MGMT: variants seen among roughly 807,000 people sequenced by gnomAD.
The protein encoded by MGMT is O-6-methylguanine-DNA methyltransferase.
A neutral mutation model predicts 15.9 loss-of-function variants in MGMT; 14 were observed. The ratio of observed to expected loss-of-function variants is 0.88; its 90% CI spans 0.58 to 1.37. The LOEUF is 1.37. MGMT is among the 40% of genes most tolerant of loss of function. MGMT has a pLI of 0.00. For missense variants in MGMT, 282 were observed against 268.1 expected (o/e 1.05, Z -0.36); for synonymous variants, 130 against 118.2 (o/e 1.10, Z -0.65).
intron 2 of MGMT, among the ~76,000 whole-genome samples, chr10:129,565,306 A>T (rs867585892): frequency 4.6e-5 from 7 of 151,998 alleles, no homozygotes; most frequent in African/African-American, 1.7e-4. Context: ...AAAAAAAAAA[A>T]TAGTGAAAGA....
In MGMT at chr10:129,532,654, C is replaced by T. The variant is rs1845944537; in HGVS notation, c.-12-3587C>T. Among the ~76,000 whole-genome samples the T allele has an allele frequency of 6.6e-6, 1 of 152,098 alleles. No individual in the cohort carries two copies. Among genetic ancestry groups the T allele is most frequent in the African/African-American group, 2.4e-5 (1 of 41,424 alleles). ...CCAATGTCTTCCCCTTTGGCTGACGCTTGGATTGGGGGTGAACTCGAGGTG... is the reference window on the plus strand; with the variant it reads ...CCAATGTCTTCCCCTTTGGCTGACGTTTGGATTGGGGGTGAACTCGAGGTG... On this transcript the variant is annotated intron_variant, in intron 1 of 4. Coordinates refer to ENST00000651593, the MANE Select transcript of MGMT (RefSeq NM_002412.5). The surrounding 1 kb of genome is among the most constrained non-coding windows in gnomAD (Gnocchi z 5.3).
chr10:129,688,087 C>G (rs1419818499), intron 2 of MGMT, among the ~76,000 whole-genome samples: 1 of 152,156 alleles, frequency 6.6e-6, no homozygotes, highest in Non-Finnish European at 1.5e-5. Flanking sequence ...TTTCTTAATC[C>G]AGTCTATCAT....
chr10:129,488,012 C>CATAGGT lies in MGMT; in HGVS notation c.-13+20717_-13+20718insTAGGTA, dbSNP rs1564832157. On this transcript the variant is annotated intron_variant, in intron 1 of 4. Coordinates refer to ENST00000651593, the MANE Select transcript of MGMT (RefSeq NM_002412.5). The stretch of plus-strand genomic sequence containing the variant: ...ACACACACACATAGGTATACACACA[C>CATAGGT]ACACACACACACACACACACACACA... 3.3e-3 allele frequency among the ~76,000 whole-genome samples: 412 copies of CATAGGT among 123,724 alleles called. 13 individuals are homozygous for CATAGGT. In the East Asian group the frequency reaches 0.1, roughly 30 times the overall value. The allele number at this position is 123,724 out of a possible 152,430, so 81.2% of individuals were successfully genotyped here.
intron 3 of MGMT, among the ~76,000 whole-genome samples, chr10:129,753,407 T>C (rs896364651): frequency 5.3e-5 from 8 of 152,208 alleles, no homozygotes; most frequent in Admixed American, 3.9e-4. Flanking sequence ...ATTTGAATTT[T>C]TTCCCGTACT....
At chr10:129,522,920 C>T (rs1478860061) in intron 1 of MGMT, among the ~76,000 whole-genome samples, 3 of 152,204 alleles carry the variant, frequency 2.0e-5, no homozygotes, top group Admixed American at 1.3e-4. Context: ...TTCTTGTGTT[C>T]GCACATGTTA....
chr10:129,553,109 G>A (rs1846176610), intron 2 of MGMT, among the ~76,000 whole-genome samples: 2 of 152,256 alleles, frequency 1.3e-5, no homozygotes, highest in South Asian at 4.1e-4. Flanking sequence ...TAATTTCTGC[G>A]ATAGGGTTCA....
intron 2 of MGMT, among the ~76,000 whole-genome samples, chr10:129,679,072 C>CAAAAAAAAAA (rs746058016): frequency 8.5e-6 from 1 of 117,708 alleles, no homozygotes. Context: ...GACTCCATCT[C>CAAAAAAAAAA]AAAAAAAAAA....
intron 1 of MGMT, among the ~76,000 whole-genome samples, chr10:129,518,357 C>T (rs967415915): frequency 6.6e-6 from 1 of 150,582 alleles, no homozygotes; most frequent in Middle Eastern, 3.4e-3. Flanking sequence ...CACACACACA[C>T]ACACACACAC....
intron 2 of MGMT, among the ~76,000 whole-genome samples, chr10:129,568,382 T>C (rs1005425305): frequency 2.6e-5 from 4 of 152,186 alleles, no homozygotes; most frequent in Non-Finnish European, 5.9e-5. Flanking sequence ...TCAGGAGCCC[T>C]CACTCAGGAA....
intron 2 of MGMT, among the ~76,000 whole-genome samples, chr10:129,641,648 A>G (rs564196904): frequency 1.3e-5 from 2 of 152,216 alleles, no homozygotes; most frequent in Non-Finnish European, 2.9e-5. Context: ...TGCATGCTAC[A>G]TCTTGGGGAA....
At chr10:129,467,441 G>C in intron 1 of MGMT, 145 bp downstream of exon 1, 4 of 1,372,912 alleles carry the variant, frequency 2.9e-6, no homozygotes, top group Non-Finnish European at 3.7e-6. Flanking sequence ...GCGAGCTCCA[G>C]GTGCGCCCCA....
At position 129,523,214 on chromosome 10, in the gene MGMT, C is replaced by T. The variant is rs563721986; in HGVS notation, c.-12-13027C>T. ...ATGTGCGACCCGGCGGGGGCCTCGG[C>T]GGGCACAGGCGGGAGACCCGGGCCA... On this transcript the variant is annotated intron_variant, in intron 1 of 4. Transcript: ENST00000651593. Among the ~76,000 whole-genome samples the T allele has an allele frequency of 4.6e-5, 7 of 152,298 alleles. No homozygotes were observed. The South Asian group carries it at 1.0e-3, about 23-fold the overall frequency.
chr10:129,536,434 A>G (rs1845985460), intron 2 of MGMT, 57 bp downstream of exon 2: 1 of 1,567,226 alleles, frequency 6.4e-7, no homozygotes, highest in Admixed American at 2.0e-5. Flanking sequence ...ACCGAGGAGT[A>G]TATGTGATAA....
intron 2 of MGMT, among the ~76,000 whole-genome samples, chr10:129,582,353 T>C (rs960384876): frequency 3.3e-5 from 5 of 152,206 alleles, no homozygotes; most frequent in Admixed American, 6.5e-5. Flanking sequence ...CCTCGTGTTA[T>C]AGTTCTCATG....
intron 2 of MGMT, among the ~76,000 whole-genome samples, chr10:129,699,603 CAT>C (rs1848073264): frequency 6.6e-6 from 1 of 152,048 alleles, no homozygotes; most frequent in African/African-American, 2.4e-5. Context: ...GGATCATAAA[CAT>C]AGGATTCATT....
At chr10:129,576,113 A>G (rs1376953795) in intron 2 of MGMT, among the ~76,000 whole-genome samples, 1 of 152,190 alleles carries the variant, frequency 6.6e-6, no homozygotes. Flanking sequence ...GGTATAAGGA[A>G]GAGCTGGTAC....
intron 2 of MGMT, among the ~76,000 whole-genome samples, chr10:129,651,809 C>T (rs1266120765): frequency 4.6e-5 from 7 of 152,282 alleles, no homozygotes; most frequent in South Asian, 4.2e-4. Flanking sequence ...GTTCTTCATT[C>T]GAGAGCATGT....
intron 2 of MGMT, among the ~76,000 whole-genome samples, chr10:129,572,868 C>T (rs1846436156): frequency 6.6e-6 from 1 of 152,042 alleles, no homozygotes; most frequent in Non-Finnish European, 1.5e-5. Flanking sequence ...ATCTTAAGTC[C>T]CTATTATTAA....
intron 1 of MGMT, among the ~76,000 whole-genome samples, chr10:129,491,454 T>C (rs1170613080): frequency 1.3e-5 from 2 of 152,230 alleles, no homozygotes; most frequent in African/African-American, 2.4e-5. Flanking sequence ...TAGGGTTTGC[T>C]GAACTTCTTG....
Sources: allele counts gnomAD v4.1 joint callset (sites outside exome capture counted in the v4.1 genomes callset), GRCh38; gene constraint gnomAD v4.1.1; non-coding constraint Gnocchi (gnomAD v3.1); transcripts MANE v1.5; gene names NCBI Gene and HGNC (gene_info 2026-07-23, HGNC 2026-07-21).